Variants in MIPEP observed in about 807,000 individuals in gnomAD.
The protein encoded by MIPEP is mitochondrial intermediate peptidase.
MIPEP carries 79 observed loss-of-function variants against 90.3 expected under a neutral mutation model. The observed-to-expected ratio is 0.87, with a 90% CI of 0.73 to 1.05. The LOEUF is 1.05. Among genes scored for constraint, MIPEP ranks in the 50% least tolerant of loss-of-function variants. The pLI is 0.00. For synonymous variants in MIPEP, 334 were observed against 315.8 expected (o/e 1.06, Z -0.61); for missense variants, 940 against 905.6 (o/e 1.04, Z -0.49).
At chr13:23,860,098 T>C (rs971165572) in intron 9 of MIPEP, among the ~76,000 whole-genome samples, 2 of 152,326 alleles carry the variant, frequency 1.3e-5, no homozygotes, top group South Asian at 2.1e-4. Flanking sequence ...AAGAGGATGA[T>C]AGCCTAGGCA....
At chr13:23,756,448 C>T (rs749454216) in intron 18 of MIPEP, 97 bp downstream of exon 18, 10 of 1,292,480 alleles carry the variant, frequency 7.7e-6, no homozygotes, top group Non-Finnish European at 1.1e-5. Context: ...TGAACCACCA[C>T]ACCTGGCCTA....
intron 10 of MIPEP, among the ~76,000 whole-genome samples, chr13:23,853,722 G>A (rs887879221): frequency 6.6e-6 from 1 of 151,832 alleles, no homozygotes; most frequent in Admixed American, 6.6e-5. Context: ...CGCCATGCCC[G>A]GCTAATTTTT....
At chr13:23,739,713 G>A (rs1051848533) in intron 18 of MIPEP, among the ~76,000 whole-genome samples, 1 of 152,236 alleles carries the variant, frequency 6.6e-6, no homozygotes, top group Middle Eastern at 3.2e-3. Flanking sequence ...GCCTCTGCCT[G>A]CAGGCCAAGC....
chr13:23,796,582 T>TTA (rs546857517), intron 16 of MIPEP, among the ~76,000 whole-genome samples: 6 of 143,706 alleles, frequency 4.2e-5, no homozygotes, highest in Non-Finnish European at 7.7e-5. Flanking sequence ...TTGGGACTAC[T>TTA]AAAAAAAAAA....
chr13:23,865,496 T>C (rs896183328), intron 7 of MIPEP, among the ~76,000 whole-genome samples: 4 of 152,210 alleles, frequency 2.6e-5, no homozygotes, highest in Non-Finnish European at 5.9e-5. Flanking sequence ...ACAAAGACAT[T>C]ATTTAGTCAA....
chr13:23,786,953 G>T (rs1415955357), intron 16 of MIPEP, among the ~76,000 whole-genome samples: 4 of 152,074 alleles, frequency 2.6e-5, no homozygotes, highest in African/African-American at 9.7e-5. Flanking sequence ...GGAGGGTCTG[G>T]GGCAAGATTT....
At chr13:23,753,030 C>G (rs911149435) in intron 18 of MIPEP, among the ~76,000 whole-genome samples, 2 of 152,034 alleles carry the variant, frequency 1.3e-5, no homozygotes, top group African/African-American at 4.8e-5. Context: ...GAGTTCGAGA[C>G]CAGCCTGGCC....
chr13:23,756,767 A>C, intron 17 of MIPEP, 149 bp from the exon 18 acceptor site: 2 of 663,890 alleles, frequency 3.0e-6, no homozygotes, highest in Non-Finnish European at 5.1e-6. Flanking sequence ...GCTTCTAAAA[A>C]TCAAATTCTG....
chr13:23,888,751 G>A, intron 1 of MIPEP: 3 of 1,028,272 alleles, frequency 2.9e-6, no homozygotes, highest in Non-Finnish European at 3.5e-6. Context: ...ACAGGGATAG[G>A]CCTCTTAAGG....
intron 18 of MIPEP, among the ~76,000 whole-genome samples, chr13:23,749,829 C>T (rs900432930): frequency 6.6e-6 from 1 of 152,170 alleles, no homozygotes; most frequent in African/African-American, 2.4e-5. Context: ...ATTGGTTTCT[C>T]ATAGTCCTCA....
At chr13:23,887,438 AG>A (rs1593214065) in intron 1 of MIPEP, among the ~76,000 whole-genome samples, 1 of 152,230 alleles carries the variant, frequency 6.6e-6, no homozygotes, top group African/African-American at 2.4e-5. Flanking sequence ...TTAAGACGTT[AG>A]AAAAAACTTG....
At chr13:23,823,494 G>A (rs1416942585) in intron 14 of MIPEP, among the ~76,000 whole-genome samples, 2 of 152,148 alleles carry the variant, frequency 1.3e-5, no homozygotes, top group Non-Finnish European at 2.9e-5. Flanking sequence ...CGTTATGACT[G>A]CCATCTTGGT....
intron 14 of MIPEP, among the ~76,000 whole-genome samples, chr13:23,831,440 T>C (rs1868757502): frequency 6.6e-6 from 1 of 150,914 alleles, no homozygotes; most frequent in African/African-American, 2.5e-5. Context: ...TATAACAGAA[T>C]ATCTGAGACT....
At chr13:23,772,117 C>A (rs1952658926) in intron 16 of MIPEP, among the ~76,000 whole-genome samples, 1 of 152,158 alleles carries the variant, frequency 6.6e-6, no homozygotes, top group African/African-American at 2.4e-5. Flanking sequence ...TAGCCCAGGG[C>A]TTGTGACAGT....
intron 7 of MIPEP, among the ~76,000 whole-genome samples, chr13:23,864,550 A>G (rs1870445313): frequency 6.6e-6 from 1 of 152,110 alleles, no homozygotes; most frequent in Non-Finnish European, 1.5e-5. Context: ...AGCAAGGCCA[A>G]CAGGCTGAAA....
Position 23,730,264 on chromosome 13 carries a change from C to A in MIPEP, c.*84G>T. The stretch of plus-strand genomic sequence containing the variant: ...GAATTACAGAAGCGAACAATGAAAT[C>A]AGAAACAAGCTCTCACAGCTGTAGC... On this transcript the variant is annotated 3_prime_UTR_variant, in exon 19 of 19. Transcript: ENST00000382172. 3.6e-6 allele frequency: 3 copies of A among 835,824 alleles called. No individual in the cohort carries two copies. The highest frequency in any genetic ancestry group is 5.8e-6 in the Non-Finnish European group (3 of 518,106). 51.8% of individuals were successfully genotyped at this position (835,824 alleles called of 1,614,324 possible).
chr13:23,796,435 C>G (rs1952962473), intron 16 of MIPEP, among the ~76,000 whole-genome samples: 1 of 151,722 alleles, frequency 6.6e-6, no homozygotes, highest in Admixed American at 6.6e-5. Flanking sequence ...ACCAAACAAA[C>G]AAAAATTGAC....
intron 7 of MIPEP, among the ~76,000 whole-genome samples, chr13:23,865,693 G>A (rs1278445626): frequency 8.4e-5 from 12 of 142,390 alleles, no homozygotes; most frequent in African/African-American, 1.3e-4. Flanking sequence ...TTTTTGAGAT[G>A]GAGTCTTGCT....
intron 7 of MIPEP, among the ~76,000 whole-genome samples, chr13:23,865,641 C>T (rs1210932690): frequency 6.6e-6 from 1 of 151,304 alleles, no homozygotes; most frequent in Admixed American, 6.6e-5. Context: ...TTCTTCCAGT[C>T]ATTTTACATG....
Sources: gnomAD v4.1 joint callset for allele counts (sites outside exome capture counted in the v4.1 genomes callset) on GRCh38, gnomAD v4.1.1 for gene constraint, MANE v1.5 for transcripts, NCBI Gene and HGNC (gene_info 2026-07-23, HGNC 2026-07-21) for gene names.